Variants in DPP10 observed in about 807,000 individuals in gnomAD.
DPP10 encodes dipeptidyl peptidase like 10.
In DPP10, 33 loss-of-function variants were observed where a neutral mutation model predicts 120.9. The ratio of observed to expected loss-of-function variants is 0.27; its 90% CI spans 0.21 to 0.37. The LOEUF (loss-of-function observed/expected upper bound fraction) is 0.37, where lower values mean the gene tolerates loss of function less well. Ranked by LOEUF, DPP10 falls within the 10% of genes least tolerant of loss-of-function variation. DPP10 has a pLI of 1.00. For synonymous variants in DPP10, 337 were observed against 326.1 expected, an observed-to-expected ratio of 1.03 and a Z score of -0.36; for missense variants, 816 against 942.8, an observed-to-expected ratio of 0.87 and a Z score of 1.76.
intron 1 of DPP10, among the ~76,000 whole-genome samples, chr2:114,946,188 A>G (rs1023026674): frequency 1.3e-5 from 2 of 152,212 alleles, no homozygotes; most frequent in Admixed American, 6.5e-5. Context: ...GGACTTTGCT[A>G]AACAATAGCC....
intron 13 of DPP10, among the ~76,000 whole-genome samples, chr2:115,774,323 A>T (rs764838498): frequency 6.6e-6 from 1 of 152,044 alleles, no homozygotes; most frequent in Non-Finnish European, 1.5e-5. Context: ...TCAAATATTG[A>T]GCAAAGTTTC....
chr2:115,422,950 G>A (rs551336098), intron 3 of DPP10, among the ~76,000 whole-genome samples: 3 of 151,966 alleles, frequency 2.0e-5, no homozygotes, highest in Admixed American at 6.6e-5. Context: ...CCATAGTCTT[G>A]AATTATCTTA....
chr2:115,741,081 C>T (rs559849462), intron 9 of DPP10, among the ~76,000 whole-genome samples: 67 of 152,210 alleles, frequency 4.4e-4, no homozygotes, highest in African/African-American at 1.5e-3. Context: ...AGGTCATTTA[C>T]ACTTTCCTTC....
intron 1 of DPP10, among the ~76,000 whole-genome samples, chr2:114,681,277 C>A (rs1335140647): frequency 6.6e-6 from 1 of 151,946 alleles, no homozygotes; most frequent in Non-Finnish European, 1.5e-5. Flanking sequence ...TTTTGCTTTA[C>A]CAGTGATTCT....
intron 1 of DPP10, among the ~76,000 whole-genome samples, chr2:114,713,721 T>G (rs953416378): frequency 3.3e-5 from 5 of 152,122 alleles, no homozygotes; most frequent in Non-Finnish European, 5.9e-5. Context: ...CTGGGCGCAG[T>G]GGCTCATGCC....
At chr2:115,056,149 A>T (rs1015689373) in intron 1 of DPP10, among the ~76,000 whole-genome samples, 2 of 152,126 alleles carry the variant, frequency 1.3e-5, no homozygotes, top group African/African-American at 4.8e-5. Context: ...CTGCATGTTT[A>T]TTGCATACAT....
chr2:114,489,384 C>T (rs372935684), intron 1 of DPP10, among the ~76,000 whole-genome samples: 18 of 152,122 alleles, frequency 1.2e-4, no homozygotes, highest in South Asian at 4.1e-4. Context: ...CAACCACATG[C>T]GGATGAGCAG....
intron 1 of DPP10, among the ~76,000 whole-genome samples, chr2:114,934,623 CGT>C (rs144826118): frequency 1.2e-4 from 18 of 149,974 alleles, no homozygotes; most frequent in South Asian, 2.1e-4. Context: ...ACTCTGTGTG[CGT>C]GTGTGTGTGT....
intron 1 of DPP10, among the ~76,000 whole-genome samples, chr2:115,007,281 A>G (rs1209442768): frequency 9.2e-5 from 14 of 152,228 alleles, no homozygotes; most frequent in African/African-American, 3.1e-4. Flanking sequence ...TACGCAAATC[A>G]ATAAATCTAA....
intron 5 of DPP10, among the ~76,000 whole-genome samples, chr2:115,561,204 A>C (rs946197114): frequency 1.3e-5 from 2 of 151,734 alleles, no homozygotes; most frequent in Non-Finnish European, 2.9e-5. Context: ...AAAACAAAAC[A>C]AAAAATTAGC....
chr2:115,006,721 G>T (rs1301370083), intron 1 of DPP10, among the ~76,000 whole-genome samples: 2 of 151,936 alleles, frequency 1.3e-5, no homozygotes, highest in Non-Finnish European at 2.9e-5. Flanking sequence ...CATAAAGCAA[G>T]TCCTGAGTGA....
intron 4 of DPP10, among the ~76,000 whole-genome samples, chr2:115,521,231 C>T (rs1558792247): frequency 6.6e-6 from 1 of 152,212 alleles, no homozygotes; most frequent in Non-Finnish European, 1.5e-5. Flanking sequence ...TGCATGATTA[C>T]TGGCCCACCC....
chr2:115,837,876 C>G (rs1041443844), intron 24 of DPP10, among the ~76,000 whole-genome samples: 9 of 151,128 alleles, frequency 6.0e-5, no homozygotes, highest in African/African-American at 9.7e-5. Context: ...TCTCATAGAC[C>G]AGAGGAAGTT....
intron 1 of DPP10, among the ~76,000 whole-genome samples, chr2:114,800,986 G>A (rs543740440): frequency 2.2e-4 from 33 of 151,952 alleles, no homozygotes; most frequent in African/African-American, 5.8e-4. Flanking sequence ...AGAATGGGCC[G>A]GGCACGGTGG....
intron 8 of DPP10, among the ~76,000 whole-genome samples, chr2:115,738,484 C>G (rs1021735423): frequency 6.6e-6 from 1 of 151,982 alleles, no homozygotes. Context: ...GAGCCTTTGC[C>G]ACTCTCCATA....
At position 114,933,301 on chromosome 2, in the gene DPP10, T is replaced by C. The variant is rs1164952443; in HGVS notation, c.61-375938T>C. Among the ~76,000 whole-genome samples the C allele has an allele frequency of 2.6e-5, 4 of 152,274 alleles. No homozygotes were observed. The South Asian group carries it at 6.2e-4, about 24-fold the overall frequency. ...AAGGCATTGGTGCTGCCTGGGTACC[T>C]CTTTTGCAACCAGGCAACATCAGCC... On this transcript the variant is annotated intron_variant, in intron 1 of 25. Transcript: ENST00000410059.
chr2:115,193,523 T>A (rs1199985014), intron 1 of DPP10, among the ~76,000 whole-genome samples: 2 of 152,238 alleles, frequency 1.3e-5, no homozygotes, highest in African/African-American at 2.4e-5. Context: ...ACAATAGCTG[T>A]TCCTTTTGGC....
chr2:114,731,351 T>C (rs572927384), intron 1 of DPP10, among the ~76,000 whole-genome samples: 1 of 152,306 alleles, frequency 6.6e-6, no homozygotes, highest in East Asian at 1.9e-4. Flanking sequence ...GCACTGTACT[T>C]CTACTCCTGC....
At chr2:115,705,891 G>A (rs1002912307) in intron 7 of DPP10, among the ~76,000 whole-genome samples, 1 of 151,672 alleles carries the variant, frequency 6.6e-6, no homozygotes, top group Non-Finnish European at 1.5e-5. Context: ...TTGAGATCAG[G>A]AAAATCAATA....
Sources: gnomAD v4.1 joint callset for allele counts (sites outside exome capture counted in the v4.1 genomes callset) on GRCh38, gnomAD v4.1.1 for gene constraint, MANE v1.5 for transcripts, NCBI Gene and HGNC (gene_info 2026-07-23, HGNC 2026-07-21) for gene names.